The following PDGFC variants were observed in gnomAD, a reference collection of about 807,000 sequenced individuals.
PDGFC encodes the protein platelet-derived growth factor C.
In PDGFC, 12 loss-of-function variants were observed where a neutral mutation model predicts 35.5. That is an observed-to-expected ratio of 0.34 (90% confidence interval 0.22 to 0.55). The LOEUF (loss-of-function observed/expected upper bound fraction) is 0.55. Ranked by LOEUF, PDGFC falls within the 20% of genes least tolerant of loss-of-function variation. The pLI is 0.91. For synonymous variants in PDGFC, 159 were observed against 148.8 expected, an observed-to-expected ratio of 1.07 and a Z score of -0.50; for missense variants, 322 against 412.4, an observed-to-expected ratio of 0.78 and a Z score of 1.90.
At chr4:156,878,108 A>G (rs997287564) in intron 1 of PDGFC, among the ~76,000 whole-genome samples, 3 of 152,194 alleles carry the variant, frequency 2.0e-5, no homozygotes, top group Non-Finnish European at 4.4e-5. Context: ...GCACTTAACG[A>G]ATATTTGTGC....
chr4:156,960,334 T>C (rs1435764763), intron 1 of PDGFC, among the ~76,000 whole-genome samples: 2 of 150,058 alleles, frequency 1.3e-5, no homozygotes, highest in African/African-American at 2.4e-5. Context: ...TTACTTTTAT[T>C]TCTAAACAAA....
chr4:156,857,336 T>A (rs556975182), intron 1 of PDGFC, among the ~76,000 whole-genome samples: 1 of 152,186 alleles, frequency 6.6e-6, no homozygotes, highest in East Asian at 1.9e-4. Context: ...TTTACGAACA[T>A]CAAATTGATT....
intron 1 of PDGFC, among the ~76,000 whole-genome samples, chr4:156,888,487 A>G (rs1035213152): frequency 6.6e-6 from 1 of 152,176 alleles, no homozygotes; most frequent in Non-Finnish European, 1.5e-5. Flanking sequence ...TTGGAGATCA[A>G]AATATTCTGT....
intron 1 of PDGFC, among the ~76,000 whole-genome samples, chr4:156,911,374 C>A (rs1408544681): frequency 6.6e-6 from 1 of 151,868 alleles, no homozygotes; most frequent in Admixed American, 6.6e-5. Context: ...GAAACAAATT[C>A]CCCCTATTCC....
rs147714162 is a variant in PDGFC at position 156,937,089 on chromosome 4, G to A, written c.118+33697C>T. On this transcript the variant is annotated intron_variant, in intron 1 of 5. Coordinates refer to ENST00000502773, the MANE Select transcript of PDGFC (RefSeq NM_016205.3). ...CACGCATATGGACAGATGAGTCTGA[G>A]TGAAAAAAGCAAGGTGTGTGCTGAA... is the stretch of plus-strand genomic sequence containing the variant. 1.4e-4 allele frequency among the ~76,000 whole-genome samples: 22 copies of A among 152,206 alleles called. No homozygotes were observed. The East Asian group carries it at 3.3e-3, about 23-fold the overall frequency.
chr4:156,933,278 C>T (rs1264737548), intron 1 of PDGFC, among the ~76,000 whole-genome samples: 2 of 152,218 alleles, frequency 1.3e-5, no homozygotes, highest in African/African-American at 4.8e-5. Context: ...TAGATCCTTA[C>T]TATTTGTAGA....
chr4:156,816,532 TCTTAGGTA>T (rs1732090719), intron 2 of PDGFC, among the ~76,000 whole-genome samples: 1 of 152,152 alleles, frequency 6.6e-6, no homozygotes, highest in South Asian at 2.1e-4. Context: ...CACTGTTTTT[TCTTAGGTA>T]CTTTTTATAT....
intron 1 of PDGFC, among the ~76,000 whole-genome samples, chr4:156,870,310 C>T: frequency 6.6e-6 from 1 of 151,944 alleles, no homozygotes; most frequent in African/African-American, 2.4e-5. Flanking sequence ...CACCTCTTAC[C>T]CATGTATTGC....
At chr4:156,828,717 G>C (rs1019904549) in intron 2 of PDGFC, among the ~76,000 whole-genome samples, 13 of 152,170 alleles carry the variant, frequency 8.5e-5, no homozygotes, top group Middle Eastern at 3.4e-3. Context: ...CGTACAGATA[G>C]AACAGGTAAA....
chr4:156,775,231 A>C (rs2110826560), intron 3 of PDGFC, among the ~76,000 whole-genome samples: 1 of 152,312 alleles, frequency 6.6e-6, no homozygotes, highest in South Asian at 2.1e-4. Context: ...CTATTGATTA[A>C]ATTTATGGTG....
chr4:156,844,426 A>T (rs1250114432), intron 2 of PDGFC, among the ~76,000 whole-genome samples: 1 of 152,166 alleles, frequency 6.6e-6, no homozygotes, highest in Non-Finnish European at 1.5e-5. Flanking sequence ...AGTACAAAAG[A>T]AGTAATAGAA....
At chr4:156,821,412 T>A (rs867968091) in intron 2 of PDGFC, among the ~76,000 whole-genome samples, 2 of 151,410 alleles carry the variant, frequency 1.3e-5, no homozygotes, top group Non-Finnish European at 1.5e-5. Flanking sequence ...TCTTTTTTTT[T>A]AACTTTTTGT....
chr4:156,860,681 T>C (rs1027287674), intron 1 of PDGFC, among the ~76,000 whole-genome samples: 2 of 152,154 alleles, frequency 1.3e-5, no homozygotes, highest in African/African-American at 4.8e-5. Flanking sequence ...AGTGTAGATA[T>C]GGCTTTTTAA....
chr4:156,884,177 CT>C (rs1454432524), intron 1 of PDGFC, among the ~76,000 whole-genome samples: 3 of 152,176 alleles, frequency 2.0e-5, no homozygotes, highest in African/African-American at 7.2e-5. Flanking sequence ...TTGGTGCCTT[CT>C]TTTCCTATTT....
chr4:156,948,861 T>G (rs1225588965), intron 1 of PDGFC, among the ~76,000 whole-genome samples: 1 of 151,970 alleles, frequency 6.6e-6, no homozygotes, highest in South Asian at 2.1e-4. Context: ...CATTTCTCTG[T>G]GGAGGCAGCA....
intron 2 of PDGFC, among the ~76,000 whole-genome samples, chr4:156,834,308 T>C (rs1729012196): frequency 6.6e-6 from 1 of 152,160 alleles, no homozygotes; most frequent in Admixed American, 6.5e-5. Flanking sequence ...AAACAGTAGG[T>C]AAACTGCTGC....
At chr4:156,816,853 G>A (rs1410524919) in intron 2 of PDGFC, among the ~76,000 whole-genome samples, 1 of 152,148 alleles carries the variant, frequency 6.6e-6, no homozygotes, top group Non-Finnish European at 1.5e-5. Context: ...TTCAGCGACT[G>A]GAGAAATATT....
intron 3 of PDGFC, among the ~76,000 whole-genome samples, chr4:156,808,372 G>C (rs1731830295): frequency 6.6e-6 from 1 of 152,012 alleles, no homozygotes; most frequent in Non-Finnish European, 1.5e-5. Flanking sequence ...GTGGCCAGTG[G>C]AATCTAAAGT....
intron 3 of PDGFC, among the ~76,000 whole-genome samples, chr4:156,776,935 T>TAA (rs1301253991): frequency 6.6e-6 from 1 of 152,156 alleles, no homozygotes; most frequent in Non-Finnish European, 1.5e-5. Flanking sequence ...AAATTCTACT[T>TAA]AATTATCAGA....
Sources: gnomAD v4.1 joint callset for allele counts (sites outside exome capture counted in the v4.1 genomes callset) on GRCh38, gnomAD v4.1.1 for gene constraint, MANE v1.5 for transcripts, NCBI Gene and HGNC (gene_info 2026-07-23, HGNC 2026-07-21) for gene names.